Variants in LINGO2 observed in about 807,000 individuals in gnomAD.
LINGO2 encodes leucine rich repeat and Ig domain containing 2, also known as leucine-rich repeat and immunoglobulin-like domain-containing nogo receptor-interacting protein 2.
Under a neutral mutation model 30.6 loss-of-function variants are expected in LINGO2, and 14 were observed. The ratio of observed to expected loss-of-function variants is 0.46; its 90% CI spans 0.30 to 0.72. The LOEUF is 0.72. Among genes scored for constraint, LINGO2 ranks in the 30% least tolerant of loss-of-function variants. The pLI is 0.07. For missense variants in LINGO2, 729 were observed against 751.7 expected, an observed-to-expected ratio of 0.97 and a Z score of 0.35; for synonymous variants, 317 against 288.5, an observed-to-expected ratio of 1.10 and a Z score of -1.00.
chr9:28,257,095 T>G (rs1053183567), intron 4 of LINGO2, among the ~76,000 whole-genome samples: 1 of 118,624 alleles, frequency 8.4e-6, no homozygotes, highest in Non-Finnish European at 1.9e-5. Context: ...TTACTTTTAG[T>G]TTTTTTTTTC....
intron 4 of LINGO2, among the ~76,000 whole-genome samples, chr9:28,021,872 G>C (rs1823144257): frequency 6.6e-6 from 1 of 151,638 alleles, no homozygotes; most frequent in South Asian, 2.1e-4. Flanking sequence ...CTTTAAAGTG[G>C]GTTTTCTTGC....
the LINGO2 span, among the ~76,000 whole-genome samples, chr9:28,762,312 A>G: frequency 2.3e-4 from 35 of 152,158 alleles, 1 homozygote; most frequent in African/African-American, 8.2e-4. Flanking sequence ...CACACAAAGG[A>G]AAGGAAGAAA....
At chr9:28,833,149 G>A in the LINGO2 span, among the ~76,000 whole-genome samples, 1 of 152,092 alleles carries the variant, frequency 6.6e-6, no homozygotes, top group African/African-American at 2.4e-5. Context: ...GTGACAGCAG[G>A]CCTGTACTGC....
the LINGO2 span, among the ~76,000 whole-genome samples, chr9:28,861,176 T>TA: frequency 0.032 from 3,727 of 116,628 alleles, 233 homozygotes; most frequent in African/African-American, 0.12. Context: ...ATAAAATATA[T>TA]TTATATTAAT....
chr9:28,447,134 T>G (rs532700730), intron 2 of LINGO2, among the ~76,000 whole-genome samples: 68 of 152,308 alleles, frequency 4.5e-4, no homozygotes, highest in African/African-American at 1.5e-3. Context: ...TAGGTTTGCC[T>G]GATATCTATC....
At chr9:28,678,541 G>A in the LINGO2 span, among the ~76,000 whole-genome samples, 3 of 152,038 alleles carry the variant, frequency 2.0e-5, no homozygotes, top group Non-Finnish European at 2.9e-5. Context: ...TGAGTGCATC[G>A]CTTGCTAGAC....
At chr9:28,590,104 G>A (rs915295643) in intron 1 of LINGO2, among the ~76,000 whole-genome samples, 6 of 152,216 alleles carry the variant, frequency 3.9e-5, no homozygotes, top group Non-Finnish European at 5.9e-5. Context: ...CTAGCCATAT[G>A]TAGAAAGCTG....
chr9:28,993,739 C>T, the LINGO2 span, among the ~76,000 whole-genome samples: 1 of 146,432 alleles, frequency 6.8e-6, no homozygotes, highest in African/African-American at 2.5e-5. Flanking sequence ...TGTAATCGAG[C>T]ATATAAACAG....
chr9:28,310,605 A>G (rs1824575099), intron 3 of LINGO2, among the ~76,000 whole-genome samples: 2 of 152,230 alleles, frequency 1.3e-5, no homozygotes, highest in Admixed American at 6.5e-5. Context: ...AAAAGACACA[A>G]GAAAACTTGT....
intron 1 of LINGO2, among the ~76,000 whole-genome samples, chr9:28,554,900 G>A (rs1324084387): frequency 7.5e-6 from 1 of 133,660 alleles, no homozygotes; most frequent in African/African-American, 3.1e-5. Flanking sequence ...ATGACTACTG[G>A]GTACATAACG....
chr9:28,466,510 T>C, intron 2 of LINGO2, among the ~76,000 whole-genome samples: 1 of 152,006 alleles, frequency 6.6e-6, no homozygotes, highest in Admixed American at 6.6e-5. Context: ...AATAATAGAG[T>C]TAATAAGATA....
the LINGO2 span, among the ~76,000 whole-genome samples, chr9:28,871,941 G>T: frequency 6.6e-6 from 1 of 151,814 alleles, no homozygotes; most frequent in Admixed American, 6.6e-5. Context: ...ACCTTATTTG[G>T]AGATTAATAA....
intron 4 of LINGO2, among the ~76,000 whole-genome samples, chr9:28,048,452 C>A (rs1161470974): frequency 6.6e-6 from 1 of 150,502 alleles, no homozygotes; most frequent in Non-Finnish European, 1.5e-5. Context: ...CCAAATGGAA[C>A]CTGAAGATAC....
At position 28,332,585 on chromosome 9, in the gene LINGO2, G is replaced by GA. The variant is rs5897281; in HGVS notation, c.-245-37220dup. Among the ~76,000 whole-genome samples, 1,173 of 140,458 alleles carry GA rather than the reference G, an allele frequency of 8.4e-3. 17 individuals carry two copies. The highest frequency in any genetic ancestry group is 0.024 in the African/African-American group (915 of 37,710). The allele number at this position is 140,458 out of a possible 152,430, so 92.1% of individuals were successfully genotyped here. On this transcript the variant is annotated intron_variant, in intron 3 of 5. Coordinates refer to ENST00000379992, the Ensembl canonical transcript of LINGO2. ...TGAAATGGGATAAAAATTAAGTACA[G>GA]AAAAAAAAAAAGGCAGGGGGAATGG...
In LINGO2 at chr9:28,252,923, T is replaced by C. The variant is rs186946382; in HGVS notation, c.-87+42285A>G. Among the ~76,000 whole-genome samples the C allele has an allele frequency of 4.3e-4, 66 of 152,126 alleles. 1 individual carries two copies. Among genetic ancestry groups the C allele is most frequent in the Admixed American group, 4.0e-3 (61 of 15,266 alleles). On this transcript the variant is annotated intron_variant, in intron 4 of 5. Transcript: ENST00000379992. ...TACAGAGTAACTTTAATGGACAGTC[T>C]CAATTTCTCTACACTTAAAAAATAT...
At chr9:28,629,972 T>C (rs989936648) in intron 1 of LINGO2, among the ~76,000 whole-genome samples, 1 of 149,682 alleles carries the variant, frequency 6.7e-6, no homozygotes, top group African/African-American at 2.5e-5. Context: ...CCTTCCTGTG[T>C]CCATGTGATC....
intron 4 of LINGO2, among the ~76,000 whole-genome samples, chr9:28,045,574 A>G (rs1286710650): frequency 6.6e-6 from 1 of 152,234 alleles, no homozygotes; most frequent in African/African-American, 2.4e-5. Flanking sequence ...ATTGTTCTAA[A>G]ATGTAAATAG....
chr9:28,881,951 C>A, the LINGO2 span, among the ~76,000 whole-genome samples: 2 of 152,196 alleles, frequency 1.3e-5, no homozygotes, highest in African/African-American at 4.8e-5. Context: ...TTTTCATTTT[C>A]AGTGGGTTTT....
chr9:28,714,723 T>G, the LINGO2 span, among the ~76,000 whole-genome samples: 1 of 152,158 alleles, frequency 6.6e-6, no homozygotes, highest in Non-Finnish European at 1.5e-5. Flanking sequence ...TTAATGGTTT[T>G]GATAAGTTTG....
Sources: allele counts gnomAD v4.1 joint callset (sites outside exome capture counted in the v4.1 genomes callset), GRCh38; gene constraint gnomAD v4.1.1; transcripts MANE v1.5; gene names NCBI Gene and HGNC (gene_info 2026-07-23, HGNC 2026-07-21).